CCDC125: variants seen among roughly 807,000 people sequenced by gnomAD.
The protein encoded by CCDC125 is coiled-coil domain containing 125.
Under a neutral mutation model 57.4 loss-of-function variants are expected in CCDC125, and 43 were observed. That is an observed-to-expected ratio of 0.75 (90% CI 0.59 to 0.97). The LOEUF is 0.97. CCDC125 is among the 50% of genes least tolerant of loss of function. The pLI, the probability that CCDC125 is intolerant of heterozygous loss-of-function variation, is 0.00. For synonymous variants in CCDC125, 187 were observed against 195.2 expected, an observed-to-expected ratio of 0.96 and a Z score of 0.35; for missense variants, 563 against 595.7, an observed-to-expected ratio of 0.95 and a Z score of 0.57.
chr5:69,313,320 G>C, intron 3 of CCDC125: 1 of 860,574 alleles, frequency 1.2e-6, no homozygotes, highest in Non-Finnish European at 1.9e-6. Flanking sequence ...TGCAACCCCC[G>C]AGGACAGGTG....
rs1427002847 is a variant in CCDC125 at position 69,314,049 on chromosome 5, T to G, written c.305-3A>C. ...TGACAATTCTGAATTCGAATCTACT[T>G]GGGAGGGAGGAGAAAAGAATCTATT... On this transcript the variant is annotated splice_region_variant and splice_polypyrimidine_tract_variant and intron_variant, in intron 2 of 11. Coordinates refer to ENST00000396496, the MANE Select transcript of CCDC125 (RefSeq NM_176816.5). The G allele has an allele frequency of 6.3e-7, 1 of 1,599,950 alleles. No homozygotes were observed. Among genetic ancestry groups the G allele is most frequent in the Non-Finnish European group, 8.6e-7 (1 of 1,167,172 alleles).
intron 10 of CCDC125, among the ~76,000 whole-genome samples, chr5:69,287,387 C>T (rs991854451): frequency 2.3e-4 from 35 of 151,884 alleles, no homozygotes; most frequent in African/African-American, 8.5e-4. Context: ...CCTCAGCCTC[C>T]CGAGTAGCTG....
intron 2 of CCDC125, among the ~76,000 whole-genome samples, chr5:69,319,979 G>T (rs1477320539): frequency 6.6e-6 from 1 of 152,078 alleles, no homozygotes; most frequent in Non-Finnish European, 1.5e-5. Context: ...AAATTAGCCA[G>T]GTGTAGTGGT....
At chr5:69,325,408 A>G (rs1337030399) in intron 1 of CCDC125, among the ~76,000 whole-genome samples, 3 of 151,800 alleles carry the variant, frequency 2.0e-5, no homozygotes, top group Non-Finnish European at 4.4e-5. Context: ...AGTGCCTTAG[A>G]TTATATTTAT....
At chr5:69,303,956 T>G (rs775882026) in intron 6 of CCDC125, 27 bp from the exon 7 acceptor site, 4 of 1,254,984 alleles carry the variant, frequency 3.2e-6, no homozygotes, top group Non-Finnish European at 4.5e-6. Context: ...TTCAAATAAC[T>G]AAAACATTAA....
chr5:69,313,216 G>A (rs1758446027), intron 3 of CCDC125, among the ~76,000 whole-genome samples: 1 of 152,138 alleles, frequency 6.6e-6, no homozygotes, highest in South Asian at 2.1e-4. Flanking sequence ...AAATCCAGGG[G>A]GTGGGAGGTC....
rs534010558 is a variant in CCDC125, at chr5:69,331,073, C to T, written c.-41+1576G>A. ...ATCCGAGCACTTTGGGAGGCTGAGG[C>T]GGGCAGATCACCTGAGGTCAGGAGT... On this transcript the variant is annotated intron_variant, in intron 1 of 11. Coordinates refer to ENST00000396496, the MANE Select transcript of CCDC125 (RefSeq NM_176816.5). Among the ~76,000 whole-genome samples, 10 of 152,056 alleles carry T rather than the reference C, an allele frequency of 6.6e-5. No individual in the cohort carries two copies. The South Asian group carries it at 1.9e-3, about 28-fold the overall frequency.
intron 7 of CCDC125, among the ~76,000 whole-genome samples, chr5:69,303,036 T>A (rs1756745160): frequency 6.6e-6 from 1 of 152,110 alleles, no homozygotes; most frequent in African/African-American, 2.4e-5. Context: ...ACTTATTTTT[T>A]CGAGACCGAG....
chr5:69,284,129 A>C (rs1351961594), intron 11 of CCDC125, among the ~76,000 whole-genome samples: 3 of 151,554 alleles, frequency 2.0e-5, no homozygotes, highest in Admixed American at 6.6e-5. Flanking sequence ...AAAAAAAAAA[A>C]CAGAAGACAG....
Position 69,282,339 on chromosome 5 carries a change from A to G in CCDC125, c.*390T>C, listed in dbSNP as rs1752558176. 1 of 158,820 alleles carries G rather than the reference A, an allele frequency of 6.3e-6. No homozygotes were observed. Among genetic ancestry groups the G allele is most frequent in the Non-Finnish European group, 1.4e-5 (1 of 72,708 alleles). 9.8% of individuals were successfully genotyped at this position (158,820 alleles called of 1,614,324 possible). On this transcript the variant is annotated 3_prime_UTR_variant, in exon 12 of 12. Coordinates refer to ENST00000396496, the MANE Select transcript of CCDC125 (RefSeq NM_176816.5). ...CACTTTCGGAGGCCAAGGCAGGCGG[A>G]TCACTTGAGGTCAGGAGTTCAAGAT... is the stretch of plus-strand genomic sequence containing the variant.
intron 1 of CCDC125, 60 bp from the exon 2 acceptor site, chr5:69,320,640 C>G: frequency 1.4e-6 from 1 of 708,556 alleles, no homozygotes; most frequent in Non-Finnish European, 2.4e-6. Context: ...CCCCACCTCT[C>G]GATATTTACC....
intron 1 of CCDC125, among the ~76,000 whole-genome samples, chr5:69,325,883 C>T (rs6450032): frequency 0.36 from 53,705 of 147,144 alleles, 10,600 homozygotes; most frequent in East Asian, 0.51. Context: ...TTGCTCATTG[C>T]TTAGGCTGAA....
intron 8 of CCDC125, 74 bp downstream of exon 8, chr5:69,299,938 C>T (rs1361503878): frequency 3.5e-6 from 4 of 1,146,376 alleles, no homozygotes; most frequent in South Asian, 2.5e-5. Flanking sequence ...ACAATGTGTA[C>T]ACAAGGGCAA....
chr5:69,297,639 G>A (rs182618553), intron 8 of CCDC125, among the ~76,000 whole-genome samples: 221 of 151,276 alleles, frequency 1.5e-3, no homozygotes, highest in African/African-American at 5.1e-3. Flanking sequence ...GATTACAGGC[G>A]TTAGCCACCG....
intron 11 of CCDC125, among the ~76,000 whole-genome samples, chr5:69,283,349 A>G (rs1752735049): frequency 6.6e-6 from 1 of 150,800 alleles, no homozygotes; most frequent in Non-Finnish European, 1.5e-5. Context: ...CCTCCCAAGT[A>G]GCTGGGACCA....
chr5:69,279,755 A>C (rs933970221), downstream of CCDC125, among the ~76,000 whole-genome samples: 2 of 152,160 alleles, frequency 1.3e-5, no homozygotes, highest in Non-Finnish European at 2.9e-5. Context: ...ATAGCGCCAA[A>C]GGGATCTGAG....
chr5:69,273,564 A>G, the CCDC125 span, among the ~76,000 whole-genome samples: 26 of 152,186 alleles, frequency 1.7e-4, no homozygotes, highest in Admixed American at 1.2e-3. Context: ...AGCTTGAAAA[A>G]TATTTGAAAT....
At chr5:69,273,883 A>AGATG in the CCDC125 span, among the ~76,000 whole-genome samples, 1 of 152,138 alleles carries the variant, frequency 6.6e-6, no homozygotes, top group Non-Finnish European at 1.5e-5. Context: ...ATATATATGG[A>AGATG]GATGGATGGA....
In CCDC125 at chr5:69,280,245, A is replaced by G. The variant is rs1752398625; in HGVS notation, c.*2484T>C. 1.3e-5 allele frequency: 2 copies of G among 152,246 alleles called. 1 individual carries two copies. Among genetic ancestry groups the G allele is most frequent in the Non-Finnish European group, 2.9e-5 (2 of 68,042 alleles). 9.4% of individuals were successfully genotyped at this position (152,246 alleles called of 1,614,324 possible). A position where few individuals can be genotyped will look rare whatever the true frequency, so the allele number is the denominator to read the frequency against. ...TAATTGAGCTCATTTAAGCAAAGCTATCTTCAGTAGGGACTTTCCCTTCTA... is the reference window on the plus strand; with the variant it reads ...TAATTGAGCTCATTTAAGCAAAGCTGTCTTCAGTAGGGACTTTCCCTTCTA... On this transcript the variant is annotated 3_prime_UTR_variant, in exon 12 of 12. Transcript: ENST00000396496.
Sources: gnomAD v4.1 joint callset for allele counts (sites outside exome capture counted in the v4.1 genomes callset) on GRCh38, gnomAD v4.1.1 for gene constraint, MANE v1.5 for transcripts, NCBI Gene and HGNC (gene_info 2026-07-23, HGNC 2026-07-21) for gene names.